ATOSA: variants seen among roughly 807,000 people sequenced by gnomAD.
The protein encoded by ATOSA is atos homolog A.
the ATOSA span, among the ~76,000 whole-genome samples, chr15:52,695,265 C>A: frequency 6.6e-6 from 1 of 152,156 alleles, no homozygotes; most frequent in Admixed American, 6.5e-5. Flanking sequence ...CCAAATTGCT[C>A]AGGCTAAAGT....
chr15:52,605,936 G>C, the ATOSA span, among the ~76,000 whole-genome samples: 1 of 151,406 alleles, frequency 6.6e-6, no homozygotes, highest in Non-Finnish European at 1.5e-5. Context: ...TTATAAATTA[G>C]GTACAATAAG....
the ATOSA span, among the ~76,000 whole-genome samples, chr15:52,675,216 AATCT>A: frequency 4.6e-5 from 7 of 152,192 alleles, no homozygotes; most frequent in Non-Finnish European, 1.0e-4. Context: ...ACTATTGTGA[AATCT>A]ATCATGCTAT....
chr15:52,697,174 G>A, the ATOSA span, among the ~76,000 whole-genome samples: 3 of 151,848 alleles, frequency 2.0e-5, no homozygotes, highest in African/African-American at 7.3e-5. Context: ...GCTGCTCCTC[G>A]GCTTATGGCC....
chr15:52,609,390 G>C, the ATOSA span: 1 of 1,613,874 alleles, frequency 6.2e-7, no homozygotes, highest in Non-Finnish European at 8.5e-7. Context: ...CATGCATGTT[G>C]AATGACTGCC....
At chr15:52,600,070 AC>A in the ATOSA span, 1 of 776,950 alleles carries the variant, frequency 1.3e-6, no homozygotes, top group African/African-American at 1.8e-5. Context: ...ATAAAATGAC[AC>A]CCTAGAACCT....
At chr15:52,650,759 T>C in the ATOSA span, among the ~76,000 whole-genome samples, 1 of 152,242 alleles carries the variant, frequency 6.6e-6, no homozygotes, top group African/African-American at 2.4e-5. Flanking sequence ...CAGACATACA[T>C]CACTGAGTGA....
At chr15:52,591,374 G>T in the ATOSA span, among the ~76,000 whole-genome samples, 2 of 152,166 alleles carry the variant, frequency 1.3e-5, no homozygotes, top group Non-Finnish European at 2.9e-5. Context: ...GGGATTACAG[G>T]CGTGTGCCAC....
chr15:52,619,266 T>A, the ATOSA span, among the ~76,000 whole-genome samples: 24 of 152,234 alleles, frequency 1.6e-4, no homozygotes, highest in South Asian at 2.1e-3. Flanking sequence ...CAGTAAAAAA[T>A]TTTTTTAAAG....
the ATOSA span, among the ~76,000 whole-genome samples, chr15:52,599,388 C>T: frequency 1.3e-3 from 204 of 152,212 alleles, no homozygotes; most frequent in African/African-American, 4.7e-3. Flanking sequence ...TTTTCATTTC[C>T]ACTAAGACTG....
chr15:52,680,347 G>C, the ATOSA span, among the ~76,000 whole-genome samples: 7 of 152,100 alleles, frequency 4.6e-5, no homozygotes, highest in South Asian at 1.2e-3. Context: ...AATTTGCAAG[G>C]CTCTTTGGTT....
chr15:52,643,625 CTG>C, the ATOSA span, among the ~76,000 whole-genome samples: 1 of 147,318 alleles, frequency 6.8e-6, no homozygotes, highest in African/African-American at 2.5e-5. Context: ...TTTTTAAAAA[CTG>C]TATTTTAGCC....
the ATOSA span, among the ~76,000 whole-genome samples, chr15:52,626,672 G>A: frequency 1.3e-5 from 2 of 152,116 alleles, no homozygotes; most frequent in Non-Finnish European, 2.9e-5. Flanking sequence ...GCAACATAAT[G>A]GTAAAGGGGG....
the ATOSA span, among the ~76,000 whole-genome samples, chr15:52,671,087 G>A: frequency 2.2e-3 from 329 of 152,262 alleles, no homozygotes; most frequent in African/African-American, 7.7e-3. Context: ...GTGGACATCA[G>A]AGAGCTTCTA....
chr15:52,598,948 C>G, the ATOSA span, among the ~76,000 whole-genome samples: 1,925 of 152,242 alleles, frequency 0.013, 33 homozygotes, highest in African/African-American at 0.045. Context: ...CCTGCTCTCA[C>G]CATATGATGT....
the ATOSA span, among the ~76,000 whole-genome samples, chr15:52,637,829 T>C: frequency 6.6e-6 from 1 of 152,332 alleles, no homozygotes; most frequent in Admixed American, 6.5e-5. Context: ...TTAAAGCTAA[T>C]AACCAGTGAC....
chr15:52,697,926 T>G, the ATOSA span, among the ~76,000 whole-genome samples: 1 of 144,404 alleles, frequency 6.9e-6, no homozygotes, highest in Non-Finnish European at 1.5e-5. Flanking sequence ...TTTAAAAGAC[T>G]GACAATCCTA....
At chr15:52,620,533 T>C in the ATOSA span, among the ~76,000 whole-genome samples, 1 of 152,218 alleles carries the variant, frequency 6.6e-6, no homozygotes, top group African/African-American at 2.4e-5. Context: ...GGCTGTTATA[T>C]ATGCTGTTTA....
At chr15:52,648,152 A>C in the ATOSA span, among the ~76,000 whole-genome samples, 1 of 152,188 alleles carries the variant, frequency 6.6e-6, no homozygotes, top group African/African-American at 2.4e-5. Context: ...ATAATAGCTA[A>C]TTAATAAGTA....
the ATOSA span, among the ~76,000 whole-genome samples, chr15:52,686,141 A>T: frequency 6.6e-6 from 1 of 152,230 alleles, no homozygotes; most frequent in Admixed American, 6.5e-5. Flanking sequence ...TGATGGGTAG[A>T]CTTCACTCTA....
Sources: gnomAD v4.1 joint callset for allele counts (sites outside exome capture counted in the v4.1 genomes callset) on GRCh38, gnomAD v4.1.1 for gene constraint, MANE v1.5 for transcripts, NCBI Gene and HGNC (gene_info 2026-07-23, HGNC 2026-07-21) for gene names.